GCNT2: variants seen among roughly 807,000 people sequenced by gnomAD.
GCNT2 encodes N-acetyllactosaminide beta-1,6-N-acetylglucosaminyl-transferase.
In GCNT2, 34 loss-of-function variants were observed where a neutral mutation model predicts 34.2. That is an observed-to-expected ratio of 1.00 (90% CI 0.76 to 1.32). The LOEUF (loss-of-function observed/expected upper bound fraction) is 1.32. GCNT2 is among the 40% of genes most tolerant of loss of function. The pLI, the probability that GCNT2 is intolerant of heterozygous loss-of-function variation, is 0.00. For missense variants in GCNT2, 584 were observed against 489.4 expected (o/e 1.19, Z -1.82); for synonymous variants, 212 against 188.0 (o/e 1.13, Z -1.04).
At chr6:10,535,291 G>A (rs1404639840) in intron 3 of GCNT2, among the ~76,000 whole-genome samples, 2 of 152,186 alleles carry the variant, frequency 1.3e-5, no homozygotes, top group South Asian at 2.1e-4. Flanking sequence ...CCCATGAGGA[G>A]AACAGTGTTA....
intron 3 of GCNT2, among the ~76,000 whole-genome samples, chr6:10,551,645 A>G (rs949132338): frequency 6.6e-6 from 1 of 151,884 alleles, no homozygotes; most frequent in African/African-American, 2.4e-5. Flanking sequence ...GGGTTTCACC[A>G]TCTTGGCCAG....
At chr6:10,530,144 T>C (rs1024046650) in intron 3 of GCNT2, 5 of 296,068 alleles carry the variant, frequency 1.7e-5, no homozygotes, top group Non-Finnish European at 1.9e-5. Flanking sequence ...GGTGGATCAC[T>C]TGAGGTCAGG....
chr6:10,569,211 A>C (rs1581420970), intron 3 of GCNT2, among the ~76,000 whole-genome samples: 3 of 95,852 alleles, frequency 3.1e-5, no homozygotes, highest in Non-Finnish European at 4.6e-5. Flanking sequence ...CACTTGCATC[A>C]CCCCCTGCCA....
At chr6:10,588,366 T>C (rs1764447384) in intron 3 of GCNT2, among the ~76,000 whole-genome samples, 1 of 149,674 alleles carries the variant, frequency 6.7e-6, no homozygotes, top group African/African-American at 2.4e-5. Flanking sequence ...GGTGATAGCC[T>C]ACATCGTTCC....
intron 3 of GCNT2, among the ~76,000 whole-genome samples, chr6:10,569,898 CTTCCTTCCTTT>C (rs1397476962): frequency 3.0e-4 from 42 of 141,896 alleles, no homozygotes; most frequent in African/African-American, 1.1e-3. Context: ...TCTTTCTTTC[CTTCCTTCCTTT>C]TTCCTTCCTT....
chr6:10,574,897 T>C lies in GCNT2; in HGVS notation c.925+45061T>C, dbSNP rs948401181. The C allele has an allele frequency of 1.1e-4, 77 of 705,772 alleles. No individual in the cohort carries two copies. In the African/African-American group the frequency reaches 1.1e-3, roughly 10 times the overall value. 43.7% of individuals were successfully genotyped at this position (705,772 alleles called of 1,614,324 possible). A position where few individuals can be genotyped will look rare whatever the true frequency, so the allele number is the denominator to read the frequency against. On this transcript the variant is annotated intron_variant, in intron 3 of 4. Coordinates refer to ENST00000495262, the MANE Select transcript of GCNT2 (RefSeq NM_145649.5). ...GTCTTCTTTCTTTTTCTGATCGTTT[T>C]TCTTCAAGCGTTTCAGGAAGCTAGC...
At chr6:10,570,441 A>T (rs551950149) in intron 3 of GCNT2, among the ~76,000 whole-genome samples, 5 of 152,342 alleles carry the variant, frequency 3.3e-5, no homozygotes, top group African/African-American at 1.2e-4. Context: ...GGTTTAAAAG[A>T]TCAGAACTTA....
intron 1 of GCNT2, 34 bp downstream of exon 1, chr6:10,521,451 G>C (rs1760911349): frequency 6.5e-6 from 1 of 153,024 alleles, no homozygotes; most frequent in South Asian, 2.1e-4. Flanking sequence ...GAAACTGGTG[G>C]AGGGAGGAAA....
chr6:10,528,718 C>T lies in GCNT2; in HGVS notation c.-194C>T. The T allele has an allele frequency of 1.6e-6, 1 of 619,926 alleles. No individual in the cohort carries two copies. The highest frequency in any genetic ancestry group is 2.9e-6 in the Non-Finnish European group (1 of 350,556). 38.4% of individuals were successfully genotyped at this position (619,926 alleles called of 1,614,324 possible). ...GTGTCACAGAAAAGTGAAAATGCAACCTAGTGGTAAGTGAAGAGGGGAAGA... is the reference window on the plus strand; with the variant it reads ...GTGTCACAGAAAAGTGAAAATGCAATCTAGTGGTAAGTGAAGAGGGGAAGA... On this transcript the variant is annotated 5_prime_UTR_variant, in exon 3 of 5. Transcript: ENST00000495262.
intron 4 of GCNT2, among the ~76,000 whole-genome samples, chr6:10,623,295 T>A (rs186704491): frequency 0.011 from 1,596 of 150,474 alleles, 14 homozygotes; most frequent in Non-Finnish European, 0.017. Flanking sequence ...CTACATTATT[T>A]TTTTTTTTTT....
intron 3 of GCNT2, among the ~76,000 whole-genome samples, chr6:10,583,295 G>A (rs1764202804): frequency 6.6e-6 from 1 of 152,132 alleles, no homozygotes; most frequent in Non-Finnish European, 1.5e-5. Flanking sequence ...GAGCAGAGAG[G>A]GGGCAGGGAA....
intron 3 of GCNT2, chr6:10,556,910 T>G (rs1395643689): frequency 6.2e-7 from 1 of 1,614,198 alleles, no homozygotes; most frequent in East Asian, 2.2e-5. Context: ...TGGAGGGATC[T>G]CCAGGCTCCA....
chr6:10,574,965 T>G (rs900556920), intron 3 of GCNT2: 9 of 724,604 alleles, frequency 1.2e-5, no homozygotes, highest in Middle Eastern at 2.9e-4. Context: ...ACACATTAAT[T>G]CTCTTGGCAA....
intron 3 of GCNT2, among the ~76,000 whole-genome samples, chr6:10,573,750 G>A (rs1468078251): frequency 6.6e-6 from 1 of 152,202 alleles, no homozygotes; most frequent in Non-Finnish European, 1.5e-5. Context: ...TGCACCAGCA[G>A]GCCAGCTCAC....
chr6:10,538,437 A>AATATATATATATATATATAT (rs1554127248), intron 3 of GCNT2, among the ~76,000 whole-genome samples: 7 of 73,338 alleles, frequency 9.5e-5, no homozygotes, highest in African/African-American at 8.3e-4. Context: ...AAAAAAAAAA[A>AATATATATATATATATATAT]ATATATATAT....
At chr6:10,606,908 A>C (rs1022501920) in intron 3 of GCNT2, among the ~76,000 whole-genome samples, 1 of 151,990 alleles carries the variant, frequency 6.6e-6, no homozygotes, top group Non-Finnish European at 1.5e-5. Context: ...ATTGCAATAA[A>C]GAAATACCTG....
At chr6:10,535,403 C>A (rs759829137) in intron 3 of GCNT2, among the ~76,000 whole-genome samples, 1 of 152,198 alleles carries the variant, frequency 6.6e-6, no homozygotes, top group African/African-American at 2.4e-5. Flanking sequence ...TCCCCACTTC[C>A]GTCTTTTACC....
intron 3 of GCNT2, among the ~76,000 whole-genome samples, chr6:10,536,735 ACT>A (rs1351798640): frequency 1.6e-5 from 2 of 121,818 alleles, no homozygotes; most frequent in African/African-American, 6.6e-5. Flanking sequence ...ATGGAGTCTC[ACT>A]CTGTCACCCA....
intron 3 of GCNT2, among the ~76,000 whole-genome samples, chr6:10,611,626 G>A (rs927848430): frequency 2.1e-4 from 32 of 152,132 alleles, no homozygotes; most frequent in Admixed American, 2.0e-3. Flanking sequence ...ACCATGCCCG[G>A]CCTATGTACT....
Sources: allele counts gnomAD v4.1 joint callset (sites outside exome capture counted in the v4.1 genomes callset), GRCh38; gene constraint gnomAD v4.1.1; transcripts MANE v1.5; gene names NCBI Gene and HGNC (gene_info 2026-07-23, HGNC 2026-07-21).